Variants in FNTA observed in about 807,000 individuals in gnomAD.
FNTA encodes farnesyltransferase, CAAX box, subunit alpha, also known as protein farnesyltransferase/geranylgeranyltransferase type-1 subunit alpha.
In FNTA, 27 loss-of-function variants were observed where a neutral mutation model predicts 55.2. The ratio of observed to expected loss-of-function variants is 0.49; its 90% CI spans 0.36 to 0.67. FNTA has a LOEUF of 0.67. Among genes scored for constraint, FNTA ranks in the 30% least tolerant of loss-of-function variants. FNTA has a pLI of 0.00. For synonymous variants in FNTA, 176 were observed against 170.7 expected (o/e 1.03, Z -0.24); for missense variants, 422 against 464.7 (o/e 0.91, Z 0.85).
intron 5 of FNTA, among the ~76,000 whole-genome samples, chr8:43,073,933 T>G (rs1810852271): frequency 6.6e-6 from 1 of 152,238 alleles, no homozygotes; most frequent in African/African-American, 2.4e-5. Flanking sequence ...TTATTTTCAA[T>G]GAGGATTTAA....
intron 4 of FNTA, among the ~76,000 whole-genome samples, chr8:43,070,926 G>A (rs544538248): frequency 6.6e-6 from 1 of 152,156 alleles, no homozygotes; most frequent in Non-Finnish European, 1.5e-5. Flanking sequence ...GAACTCACCA[G>A]CAACCTGGAA....
chr8:43,069,516 T>C lies in FNTA; in HGVS notation c.402-39T>C. 4 of 1,272,982 alleles carry C rather than the reference T, an allele frequency of 3.1e-6. No individual in the cohort carries two copies. In the South Asian group the frequency reaches 3.6e-5, roughly 12 times the overall value. 78.9% of individuals were successfully genotyped at this position (1,272,982 alleles called of 1,614,324 possible). ...TGATATTGTTATTAGGGAACTTCTG[T>C]GTAATAATGCGACTTTGGATGTTGT... On this transcript the variant is annotated intron_variant, in intron 3 of 8. Transcript: ENST00000302279.
chr8:43,079,444 C>T (rs769359009), intron 6 of FNTA: 1 of 153,716 alleles, frequency 6.5e-6, no homozygotes, highest in Admixed American at 6.5e-5. Flanking sequence ...ATAAATGGAA[C>T]AACAAAGCCT....
chr8:43,083,968 G>GA (rs1268665849), intron 7 of FNTA, among the ~76,000 whole-genome samples: 1 of 152,078 alleles, frequency 6.6e-6, no homozygotes, highest in Non-Finnish European at 1.5e-5. Context: ...AGCTACTTGG[G>GA]AGGCTGAAGC....
intron 1 of FNTA, chr8:43,056,880 C>T (rs1318866630): frequency 2.6e-5 from 4 of 153,548 alleles, no homozygotes; most frequent in African/African-American, 4.8e-5. Flanking sequence ...TCTTCCACGG[C>T]TTCCCAGAAC....
At chr8:43,080,514 T>G (rs570641435) in intron 6 of FNTA, 1 of 152,244 alleles carries the variant, frequency 6.6e-6, no homozygotes, top group Non-Finnish European at 1.5e-5. Context: ...ATAATTTATA[T>G]GTGCTGGGAA....
In FNTA at chr8:43,064,241, C is replaced by T. The variant is rs1029850016; in HGVS notation, c.401+26C>T. 7.4e-6 allele frequency: 10 copies of T among 1,348,130 alleles called. No individual in the cohort carries two copies. The African/African-American group carries it at 1.3e-4, about 18-fold the overall frequency. The allele number at this position is 1,348,130 out of a possible 1,614,324, so 83.5% of individuals were successfully genotyped here. ...GTAAGTAATACACATCATCAGTATT[C>T]CCTGCTTAAATGTTTTACTTCAAGT... On this transcript the variant is annotated intron_variant, in intron 3 of 8. Coordinates refer to ENST00000302279, the MANE Select transcript of FNTA (RefSeq NM_002027.3).
chr8:43,069,367 A>T (rs1810733741), intron 3 of FNTA, among the ~76,000 whole-genome samples, 188 bp from the exon 4 acceptor site: 2 of 150,860 alleles, frequency 1.3e-5, no homozygotes, highest in South Asian at 4.2e-4. Flanking sequence ...TGACCTGCAC[A>T]CCTCGGCCTC....
chr8:43,062,173 A>ATATGTGTGTG (rs1810548303), intron 2 of FNTA, among the ~76,000 whole-genome samples: 1 of 148,904 alleles, frequency 6.7e-6, no homozygotes, highest in Non-Finnish European at 1.5e-5. Flanking sequence ...TGTATGTTTT[A>ATATGTGTGTG]TGTGTGTGTG....
At chr8:43,080,698 G>A (rs1313626282) in intron 6 of FNTA, 1 of 152,166 alleles carries the variant, frequency 6.6e-6, no homozygotes, top group Non-Finnish European at 1.5e-5. Flanking sequence ...CATTGCACAT[G>A]TCCTATTTTG....
chr8:43,067,119 A>T (rs1002887758), intron 3 of FNTA, among the ~76,000 whole-genome samples: 1 of 152,098 alleles, frequency 6.6e-6, no homozygotes, highest in African/African-American at 2.4e-5. Context: ...CTTGTAACCC[A>T]TTCTGCTTCA....
chr8:43,079,236 C>G lies in FNTA; in HGVS notation c.782+1872C>G, dbSNP rs781379567. On this transcript the variant is annotated intron_variant, in intron 6 of 8. Transcript: ENST00000302279. ...AAGATTTTCAGTGTAGATGAAACAG[C>G]CTTCTATTGGAAGAAGATGCCATCT... 5.4e-4 allele frequency: 107 copies of G among 197,142 alleles called. 1 individual carries two copies. Among genetic ancestry groups the G allele is most frequent in the Non-Finnish European group, 2.2e-4 (22 of 98,956 alleles). 12.2% of individuals were successfully genotyped at this position (197,142 alleles called of 1,614,324 possible).
chr8:43,065,222 A>G (rs919795452), intron 3 of FNTA, among the ~76,000 whole-genome samples: 2 of 151,074 alleles, frequency 1.3e-5, no homozygotes, highest in African/African-American at 2.4e-5. Context: ...CACTCAATTT[A>G]TGTTCATGCT....
intron 2 of FNTA, chr8:43,063,238 GC>G: frequency 2.2e-6 from 1 of 455,374 alleles, no homozygotes; most frequent in Non-Finnish European, 4.4e-6. Flanking sequence ...GGATCACCAC[GC>G]CCGATTAATT....
At chr8:43,072,351 C>T (rs939010737) in intron 5 of FNTA, 44 bp downstream of exon 5, 2 of 1,400,768 alleles carry the variant, frequency 1.4e-6, no homozygotes, top group Admixed American at 2.6e-5. Flanking sequence ...TTTTTTTTAA[C>T]TGAACTAAAT....
intron 1 of FNTA, chr8:43,056,918 C>T (rs1810420925): frequency 6.6e-6 from 1 of 152,452 alleles, no homozygotes; most frequent in Admixed American, 6.5e-5. Context: ...CAGTGAAGAC[C>T]CAAGGGCTAG....
At position 43,084,849 on chromosome 8, in the gene FNTA, A is replaced by G; in HGVS notation, c.985A>G (p.Asn329Asp). ...AGACATGCTAGAAAATCAGTGTGAC[A>G]ATAAGGAAGACATTCTTAATAAAGC... ...YEDMLENQCDNKEDILNKALE... is the reference protein window; with the variant it reads ...YEDMLENQCDDKEDILNKALE... Residue 329 changes from asparagine to aspartate, a missense_variant, in exon 8 of 9, where the codon AAT becomes GAT. Asn to Asp is a conservative substitution (Grantham distance 23). Around this residue, in one of 2 missense-constraint regions of FNTA, gnomAD observed 262 missense variants for 343.1 expected, o/e 0.76. Coordinates refer to ENST00000302279, the MANE Select transcript of FNTA (RefSeq NM_002027.3). The G allele has an allele frequency of 6.2e-7, 1 of 1,613,846 alleles. No individual in the cohort carries two copies. The highest frequency in any genetic ancestry group is 2.2e-5 in the East Asian group (1 of 44,874).
chr8:43,075,932 A>G (rs1810900080), intron 5 of FNTA, among the ~76,000 whole-genome samples: 1 of 150,384 alleles, frequency 6.6e-6, no homozygotes, highest in Non-Finnish European at 1.5e-5. Context: ...GCAGTGGTGC[A>G]GTCATAGCTC....
rs751733558 is a variant in FNTA at position 43,085,369 on chromosome 8, G to A, written c.*87G>A. On this transcript the variant is annotated 3_prime_UTR_variant, in exon 9 of 9. Transcript: ENST00000302279. Reference sequence around the variant, plus strand: ...TCACACGAGAGTGGTCCTTCCCTTTGCCTGTGGTGTAAAAGTGCATCACAC... The same window carrying A: ...TCACACGAGAGTGGTCCTTCCCTTTACCTGTGGTGTAAAAGTGCATCACAC... 18 of 1,300,526 alleles carry A rather than the reference G, an allele frequency of 1.4e-5. No individual in the cohort carries two copies. Among genetic ancestry groups the A allele is most frequent in the Non-Finnish European group, 1.7e-5 (16 of 925,566 alleles). The allele number at this position is 1,300,526 out of a possible 1,614,324, so 80.6% of individuals were successfully genotyped here. A position where few individuals can be genotyped will look rare whatever the true frequency, so the allele number is the denominator to read the frequency against.
Sources: gnomAD v4.1 joint callset for allele counts (sites outside exome capture counted in the v4.1 genomes callset) on GRCh38, gnomAD v4.1.1 for gene constraint, gnomAD v4.1.1 regional missense constraint, MANE v1.5 for transcripts, NCBI Gene and HGNC (gene_info 2026-07-23, HGNC 2026-07-21) for gene names.